Variants in GUF1 observed in about 807,000 individuals in gnomAD.
The protein encoded by GUF1 is GTP binding elongation factor GUF1.
GUF1 carries 78 observed loss-of-function variants against 82.4 expected under a neutral mutation model. The observed-to-expected ratio is 0.95, with a 90% confidence interval of 0.79 to 1.14. GUF1 has a LOEUF of 1.14. Ranked by LOEUF, GUF1 falls within the 50% of genes most tolerant of loss-of-function variation. The pLI, the probability that GUF1 is intolerant of heterozygous loss-of-function variation, is 0.00. For synonymous variants in GUF1, 279 were observed against 282.3 expected, an observed-to-expected ratio of 0.99 and a Z score of 0.12; for missense variants, 814 against 798.2, an observed-to-expected ratio of 1.02 and a Z score of -0.24.
rs1715049157 is a variant in GUF1, at chr4:44,686,365, T to C, written c.735-145T>C. On this transcript the variant is annotated intron_variant, in intron 7 of 16. Coordinates refer to ENST00000281543, the MANE Select transcript of GUF1 (RefSeq NM_021927.3). Reference sequence around the variant, plus strand: ...AAACTAGAGGTTATTAAATCTAATATATTTTATAAAAAGGTCTTTTTATTT... The same window carrying C: ...AAACTAGAGGTTATTAAATCTAATACATTTTATAAAAAGGTCTTTTTATTT... The C allele has an allele frequency of 1.8e-5, 9 of 499,052 alleles. No individual in the cohort carries two copies. The South Asian group carries it at 3.4e-4, about 19-fold the overall frequency. 30.9% of individuals were successfully genotyped at this position (499,052 alleles called of 1,614,324 possible). A position where few individuals can be genotyped will look rare whatever the true frequency, so the allele number is the denominator to read the frequency against.
rs145642768 is a variant in GUF1, at chr4:44,691,755, A to G, written c.1569A>G (p.Val523=). 5.0e-4 allele frequency: 803 copies of G among 1,594,444 alleles called. 2 individuals are homozygous for G. Among genetic ancestry groups the G allele is most frequent in the Non-Finnish European group, 6.3e-4 (735 of 1,167,620 alleles). ...KYLFPLNEIV[V]DFYDSLKSLS... ...TCTTTCCTTTGAATGAAATTGTGGT[A>G]GATTTTTATGACTCTTTGAAATCCC... Residue 523 remains valine (V), a synonymous_variant, in exon 13 of 17, where the codon GTA becomes GTG. Transcript: ENST00000281543.
At chr4:44,686,745 C>A (rs1309571664) in intron 8 of GUF1, 32 bp downstream of exon 8, 11 of 1,367,664 alleles carry the variant, frequency 8.0e-6, no homozygotes, top group Non-Finnish European at 1.1e-5. Flanking sequence ...AATTAAAATG[C>A]ATTTGTATGT....
chr4:44,686,955 G>T (rs576829199), intron 8 of GUF1, among the ~76,000 whole-genome samples: 1 of 151,926 alleles, frequency 6.6e-6, no homozygotes, highest in South Asian at 2.1e-4. Context: ...GGGTAGATTG[G>T]ATCCTATATC....
Position 44,686,526 on chromosome 4 carries a change from AAAAATCCT to A in GUF1, c.752_759del (p.Lys251ThrfsTer7). ...ATTTACTAGTCCTAAAGTGCATCGC[AAAAATCCT>A]CTGAGAGCTTTGGTATTTGACTCCA... On this transcript the variant is annotated frameshift_variant, in exon 8 of 17. Coordinates refer to ENST00000281543, the MANE Select transcript of GUF1 (RefSeq NM_021927.3). LOFTEE classifies it high-confidence loss of function. 2 of 1,611,188 alleles carry A rather than the reference AAAAATCCT, an allele frequency of 1.2e-6. No homozygotes were observed. The highest frequency in any genetic ancestry group is 2.2e-5 in the South Asian group (2 of 90,878).
intron 8 of GUF1, 77 bp from the exon 9 acceptor site, chr4:44,687,930 G>A: frequency 2.3e-6 from 3 of 1,304,150 alleles, no homozygotes; most frequent in South Asian, 2.7e-5. Flanking sequence ...TAGTTTCCTG[G>A]GAAGGTAGAA....
At chr4:44,695,981 T>G (rs1715794611) in intron 15 of GUF1, among the ~76,000 whole-genome samples, 1 of 152,176 alleles carries the variant, frequency 6.6e-6, no homozygotes, top group African/African-American at 2.4e-5. Flanking sequence ...TGTTTTAATT[T>G]CCACTCATAT....
rs1276800242 is a variant in GUF1 at position 44,682,372 on chromosome 4, C to T, written c.546C>T (p.Ala182=). 2 of 1,539,740 alleles carry T rather than the reference C, an allele frequency of 1.3e-6. No homozygotes were observed. Among genetic ancestry groups the T allele is most frequent in the African/African-American group, 1.4e-5 (1 of 71,206 alleles). Residue 182 remains alanine (A), a synonymous_variant, in exon 5 of 17, where the codon GCC becomes GCT. Transcript: ENST00000281543. ...QAQTVANFFL[A]FEAQLSVIPV... ...AAACTGTAGCAAACTTCTTTCTTGC[C>T]TTCGAAGCACAGCTATCGGTAATTC...
chr4:44,678,502 G>T lies in GUF1; in HGVS notation c.-121G>T. ...GAGCTCCCCGGGGTTCATTGTCTTC[G>T]CTTCACAGGATCTGTTTGAGTCCTG... is the stretch of plus-strand genomic sequence containing the variant. On this transcript the variant is annotated 5_prime_UTR_variant, in exon 1 of 17. Coordinates refer to ENST00000281543, the MANE Select transcript of GUF1 (RefSeq NM_021927.3). The T allele has an allele frequency of 1.3e-6, 1 of 795,300 alleles. No individual in the cohort carries two copies. Among genetic ancestry groups the T allele is most frequent in the Non-Finnish European group, 1.8e-6 (1 of 562,732 alleles). 49.3% of individuals were successfully genotyped at this position (795,300 alleles called of 1,614,324 possible).
intron 16 of GUF1, 66 bp downstream of exon 16, chr4:44,697,510 A>G (rs1715910215): frequency 5.1e-6 from 4 of 778,500 alleles, no homozygotes; most frequent in Non-Finnish European, 8.2e-6. Context: ...AGGGGGCATA[A>G]ACTTATTGAT....
chr4:44,683,172 C>T (rs1411333841), intron 5 of GUF1, 63 bp from the exon 6 acceptor site: 1 of 1,017,164 alleles, frequency 9.8e-7, no homozygotes, highest in Non-Finnish European at 1.5e-6. Context: ...CCTCCGAATA[C>T]TGTTAATACA....
At chr4:44,679,752 G>C (rs1714655383) in intron 1 of GUF1, among the ~76,000 whole-genome samples, 1 of 146,216 alleles carries the variant, frequency 6.8e-6, no homozygotes, top group Non-Finnish European at 1.5e-5. Flanking sequence ...TGTGAAATAT[G>C]CAGTTGATTG....
chr4:44,689,278 A>C lies in GUF1; in HGVS notation c.1079-8A>C. 1 of 1,567,616 alleles carries C rather than the reference A, an allele frequency of 6.4e-7. No individual in the cohort carries two copies. Among genetic ancestry groups the C allele is most frequent in the East Asian group, 2.4e-5 (1 of 42,518 alleles). ...TCACGTGATAATTAGAAATCATTGT[A>C]TCCCCAGGAATGTATCCTCTAGACC... On this transcript the variant is annotated splice_polypyrimidine_tract_variant and splice_region_variant and intron_variant, in intron 9 of 16. Transcript: ENST00000281543.
intron 10 of GUF1, 49 bp from the exon 11 acceptor site, chr4:44,689,794 G>C: frequency 8.0e-7 from 1 of 1,245,892 alleles, no homozygotes; most frequent in South Asian, 1.9e-5. Flanking sequence ...AAAAAAAAAT[G>C]AAGCCCATGG....
intron 7 of GUF1, among the ~76,000 whole-genome samples, 175 bp from the exon 8 acceptor site, chr4:44,686,335 T>G (rs1338888357): frequency 2.0e-5 from 3 of 152,068 alleles, no homozygotes; most frequent in Admixed American, 2.0e-4. Flanking sequence ...ATAAATAATT[T>G]GTTAAAACTA....
At chr4:44,693,423 T>C (rs745646869) in intron 13 of GUF1, among the ~76,000 whole-genome samples, 5 of 152,036 alleles carry the variant, frequency 3.3e-5, no homozygotes, top group Non-Finnish European at 7.4e-5. Context: ...CCATGTCTGT[T>C]TTATTCTCTA....
chr4:44,689,189 T>A, intron 9 of GUF1, 97 bp from the exon 10 acceptor site: 6 of 1,087,810 alleles, frequency 5.5e-6, no homozygotes, highest in Non-Finnish European at 7.3e-6. Flanking sequence ...ATTTAAAAGG[T>A]AAATGACTAA....
intron 4 of GUF1, 140 bp from the exon 5 acceptor site, chr4:44,682,194 C>T (rs564653372): frequency 2.3e-5 from 10 of 439,476 alleles, no homozygotes; most frequent in African/African-American, 1.8e-4. Flanking sequence ...TGAAGGGTAG[C>T]TACATGGCAT....
At chr4:44,689,664 T>C (rs919119459) in intron 10 of GUF1, among the ~76,000 whole-genome samples, 179 bp from the exon 11 acceptor site, 1 of 151,764 alleles carries the variant, frequency 6.6e-6, no homozygotes, top group Non-Finnish European at 1.5e-5. Flanking sequence ...TTAAAATAGA[T>C]TCCCAATGGA....
intron 6 of GUF1, among the ~76,000 whole-genome samples, chr4:44,684,904 CT>C (rs1560342282): frequency 6.6e-6 from 1 of 152,064 alleles, no homozygotes; most frequent in Non-Finnish European, 1.5e-5. Context: ...TATTTGATTT[CT>C]TTTTTCCAGT....
Sources: gnomAD v4.1 joint callset for allele counts (sites outside exome capture counted in the v4.1 genomes callset) on GRCh38, gnomAD v4.1.1 for gene constraint, MANE v1.5 for transcripts, NCBI Gene and HGNC (gene_info 2026-07-23, HGNC 2026-07-21) for gene names.